Variants in ACSS2 observed in about 807,000 individuals in gnomAD.
The protein encoded by ACSS2 is acetyl-coenzyme A synthetase, cytoplasmic.
A neutral mutation model predicts 90.6 loss-of-function variants in ACSS2; 58 were observed. That is an observed-to-expected ratio of 0.64 (90% CI 0.52 to 0.80). The LOEUF is 0.80. ACSS2 is among the 30% of genes least tolerant of loss of function. The pLI, the probability that ACSS2 is intolerant of heterozygous loss-of-function variation, is 0.00. For synonymous variants in ACSS2, 300 were observed against 330.9 expected, an observed-to-expected ratio of 0.91 and a Z score of 1.01; for missense variants, 759 against 912.0, an observed-to-expected ratio of 0.83 and a Z score of 2.16.
chr20:34,880,450 G>T (rs910903853), intron 1 of ACSS2, among the ~76,000 whole-genome samples: 1 of 151,432 alleles, frequency 6.6e-6, no homozygotes, highest in Non-Finnish European at 1.5e-5. Context: ...CAGCTGAGAT[G>T]GGGGGATCAC....
intron 5 of ACSS2, 73 bp from the exon 6 acceptor site, chr20:34,914,023 G>A: frequency 6.5e-7 from 1 of 1,533,446 alleles, no homozygotes; most frequent in Non-Finnish European, 9.0e-7. Context: ...ACTCAGGAAG[G>A]GCCCTATGGA....
intron 2 of ACSS2, among the ~76,000 whole-genome samples, chr20:34,889,131 A>T (rs542816978): frequency 1.6e-3 from 218 of 139,064 alleles, no homozygotes; most frequent in African/African-American, 5.6e-3. Context: ...ATTTTATTTT[A>T]TTTTTTTTTG....
In ACSS2 at chr20:34,923,401, A is replaced by G; in HGVS notation, c.1627A>G (p.Lys543Glu). The stretch of plus-strand genomic sequence containing the variant: ...ACGCTTTGAGACAACCTACTTTAAG[A>G]AGTTTCCTGGATACTATGTTACAGG... ...HERFETTYFKKFPGYYVTGDG... is the reference protein window; with the variant it reads ...HERFETTYFKEFPGYYVTGDG... The change falls in exon 14 of 18, where the codon AAG (lysine) becomes GAG (glutamate). Residue 543 changes from lysine (K) to glutamate (E), a missense_variant. Transcript: ENST00000360596. The G allele has an allele frequency of 6.2e-7, 1 of 1,614,164 alleles. No individual in the cohort carries two copies. The highest frequency in any genetic ancestry group is 8.5e-7 in the Non-Finnish European group (1 of 1,180,016).
intron 2 of ACSS2, among the ~76,000 whole-genome samples, chr20:34,904,208 C>G (rs1306703582): frequency 2.0e-5 from 3 of 150,108 alleles, no homozygotes; most frequent in Non-Finnish European, 4.4e-5. Flanking sequence ...TTCAGAGAAC[C>G]TGGGGCTGGA....
rs2081007551 is a variant in ACSS2, at chr20:34,913,436, C to T, written c.510C>T (p.Ile170=). ...GAGTGGCCATCTACATGCCTATGATCCCAGAGCTTGTGGTGGCCATGCTGG... is the reference window on the plus strand; with the variant it reads ...GAGTGGCCATCTACATGCCTATGATTCCAGAGCTTGTGGTGGCCATGCTGG... The part of the protein sequence containing the change: ...GDRVAIYMPM[I]PELVVAMLAC... Residue 170 remains isoleucine, a synonymous_variant, in exon 4 of 18, where the codon ATC becomes ATT. Transcript: ENST00000360596. 6.2e-7 allele frequency: 1 copy of T among 1,613,906 alleles called. No homozygotes were observed. The highest frequency in any genetic ancestry group is 8.5e-7 in the Non-Finnish European group (1 of 1,180,022).
intron 5 of ACSS2, 23 bp from the exon 6 acceptor site, chr20:34,914,073 G>A (rs1255395894): frequency 1.2e-6 from 2 of 1,613,654 alleles, no homozygotes; most frequent in South Asian, 1.1e-5. Context: ...ACTAAGGCCT[G>A]GAATGTCTGT....
chr20:34,883,811 G>A (rs953789625), intron 2 of ACSS2, among the ~76,000 whole-genome samples: 1 of 152,162 alleles, frequency 6.6e-6, no homozygotes, highest in African/African-American at 2.4e-5. Context: ...CTTCTCCCAG[G>A]AATTTAGCTG....
At position 34,891,618 on chromosome 20, in the gene ACSS2, TACTCA is replaced by T. The variant is rs2080337753; in HGVS notation, c.374+8631_374+8635del. Reference sequence around the variant, plus strand: ...GGTTGTTTGTGGCTGGTAGCATAAATACTCAAAGCTAATGGGAGATACATGGGAAA... The same window carrying T: ...GGTTGTTTGTGGCTGGTAGCATAAATAAGCTAATGGGAGATACATGGGAAA... On this transcript the variant is annotated intron_variant, in intron 2 of 17. Transcript: ENST00000360596. Among the ~76,000 whole-genome samples the T allele has an allele frequency of 2.6e-5, 4 of 152,302 alleles. No homozygotes were observed. The South Asian group carries it at 8.3e-4, about 32-fold the overall frequency.
At chr20:34,915,139 T>C (rs2147081479) in intron 7 of ACSS2, 1 of 1,501,016 alleles carries the variant, frequency 6.7e-7, no homozygotes, top group South Asian at 1.1e-5. Context: ...TTGGGGTTTA[T>C]GACACACTGA....
At chr20:34,887,239 T>C (rs2080218207) in intron 2 of ACSS2, among the ~76,000 whole-genome samples, 1 of 152,244 alleles carries the variant, frequency 6.6e-6, no homozygotes, top group African/African-American at 2.4e-5. Flanking sequence ...CTCCAGATAC[T>C]CTCACTCCTA....
At chr20:34,921,710 G>A (rs1328613315) in intron 12 of ACSS2, 76 bp from the exon 13 acceptor site, 3 of 1,608,602 alleles carry the variant, frequency 1.9e-6, no homozygotes, top group African/African-American at 2.7e-5. Flanking sequence ...AGAATTTGGG[G>A]TTCTGGGGCC....
rs373849525 is a variant in ACSS2, at chr20:34,923,128, G to A, written c.1549-195G>A. 26 of 538,148 alleles carry A rather than the reference G, an allele frequency of 4.8e-5. No individual in the cohort carries two copies. The South Asian group carries it at 6.6e-4, about 14-fold the overall frequency. 33.3% of individuals were successfully genotyped at this position (538,148 alleles called of 1,614,324 possible). On this transcript the variant is annotated intron_variant, in intron 13 of 17. Transcript: ENST00000360596. ...CTGATTTACAGATGAGGATCCTGAA[G>A]CTCAGAGGGGTAAAGTTACTTCTCT...
chr20:34,910,102 A>G (rs2080915392), intron 2 of ACSS2, among the ~76,000 whole-genome samples: 1 of 150,916 alleles, frequency 6.6e-6, no homozygotes, highest in Admixed American at 6.6e-5. Flanking sequence ...GCTTGCTGCA[A>G]CCTCCATTTC....
At chr20:34,925,968 G>A in intron 15 of ACSS2, 137 bp from the exon 16 acceptor site, 1 of 1,045,358 alleles carries the variant, frequency 9.6e-7, no homozygotes, top group Admixed American at 2.4e-5. Flanking sequence ...TGGGGTGACT[G>A]AAAGCATGTC....
intron 2 of ACSS2, among the ~76,000 whole-genome samples, chr20:34,910,283 C>A (rs901568734): frequency 1.3e-5 from 2 of 152,136 alleles, no homozygotes; most frequent in Non-Finnish European, 2.9e-5. Flanking sequence ...TTGAATTACC[C>A]TAGCCCTGTG....
At chr20:34,902,318 TATTAAC>T (rs1360612003) in intron 2 of ACSS2, among the ~76,000 whole-genome samples, 1 of 152,138 alleles carries the variant, frequency 6.6e-6, no homozygotes, top group African/African-American at 2.4e-5. Flanking sequence ...CTATTAATAA[TATTAAC>T]AATAACAATA....
intron 7 of ACSS2, among the ~76,000 whole-genome samples, chr20:34,917,452 A>G (rs1462051216): frequency 4.6e-5 from 7 of 152,196 alleles, no homozygotes; most frequent in Non-Finnish European, 8.8e-5. Flanking sequence ...ATTCTCTACC[A>G]TAAGGGGCAG....
intron 2 of ACSS2, among the ~76,000 whole-genome samples, chr20:34,890,492 C>T (rs2080307814): frequency 1.3e-5 from 2 of 152,110 alleles, no homozygotes; most frequent in Admixed American, 1.3e-4. Context: ...GTTGAAGGAA[C>T]ACTGGAGGAC....
At chr20:34,913,531 G>C (rs199978236) in intron 4 of ACSS2, 35 bp downstream of exon 4, 241 of 1,585,796 alleles carry the variant, frequency 1.5e-4, no homozygotes, top group Non-Finnish European at 1.8e-4. Context: ...GGGCAGGCGG[G>C]GGGGTGGGGC....
Sources: allele counts gnomAD v4.1 joint callset (sites outside exome capture counted in the v4.1 genomes callset), GRCh38; gene constraint gnomAD v4.1.1; transcripts MANE v1.5; gene names NCBI Gene and HGNC (gene_info 2026-07-23, HGNC 2026-07-21).